BLTP1: variants seen among roughly 807,000 people sequenced by gnomAD.
BLTP1 encodes the protein bridge-like lipid transfer protein family member 1.
the BLTP1 span, chr4:122,349,643 G>T: frequency 6.3e-7 from 1 of 1,594,652 alleles, no homozygotes. This position sits in a 1 kb window ranked among gnomAD's most constrained non-coding sequence, Gnocchi z 4.5. Flanking sequence ...CTGATAAAAG[G>T]TATTTATTAA....
At chr4:122,258,183 T>C in the BLTP1 span, among the ~76,000 whole-genome samples, 57 of 152,234 alleles carry the variant, frequency 3.7e-4, no homozygotes, top group Non-Finnish European at 6.5e-4. Flanking sequence ...TGACCTATCA[T>C]ATTTATTGAA....
the BLTP1 span, chr4:122,209,420 G>C: frequency 1.5e-6 from 2 of 1,357,830 alleles, no homozygotes; most frequent in South Asian, 1.2e-5. Context: ...CGAGATGGGT[G>C]GATCACCTGA....
chr4:122,252,911 G>A, the BLTP1 span, among the ~76,000 whole-genome samples: 1 of 152,204 alleles, frequency 6.6e-6, no homozygotes, highest in African/African-American at 2.4e-5. Flanking sequence ...AGCCACAGGG[G>A]TGCTTGTGTC....
the BLTP1 span, chr4:122,187,323 T>G: frequency 6.7e-7 from 1 of 1,501,294 alleles, no homozygotes; most frequent in East Asian, 2.3e-5. Context: ...CTAGATGTAT[T>G]TGGAAAGGTA....
the BLTP1 span, among the ~76,000 whole-genome samples, chr4:122,232,389 G>C: frequency 6.6e-6 from 1 of 152,108 alleles, no homozygotes; most frequent in East Asian, 1.9e-4. Context: ...TTTAGTATAA[G>C]TTTGTCCCAC....
the BLTP1 span, chr4:122,203,738 G>A: frequency 3.4e-6 from 1 of 295,294 alleles, no homozygotes; most frequent in Admixed American, 6.5e-5. Flanking sequence ...AAACTGGTAG[G>A]TAAACTAATT....
the BLTP1 span, chr4:122,231,495 A>G: frequency 4.2e-6 from 1 of 239,408 alleles, no homozygotes; most frequent in African/African-American, 2.3e-5. Context: ...AGAGCTCTTT[A>G]TAGATGATCA....
chr4:122,262,975 C>A, the BLTP1 span: 1 of 1,613,522 alleles, frequency 6.2e-7, no homozygotes, highest in Non-Finnish European at 8.5e-7. Flanking sequence ...AGCTCCCTAA[C>A]GAGAACAGGT....
chr4:122,219,671 G>T, the BLTP1 span: 1 of 746,510 alleles, frequency 1.3e-6, no homozygotes, highest in Non-Finnish European at 2.2e-6. Context: ...ATCAGATTTA[G>T]AAACTTCTAA....
the BLTP1 span, chr4:122,173,041 A>T: frequency 6.2e-7 from 1 of 1,613,192 alleles, no homozygotes; most frequent in Non-Finnish European, 8.5e-7. Flanking sequence ...AACAGCTACC[A>T]TTTTGTCCTG....
chr4:122,170,091 G>A, the BLTP1 span: 1 of 621,598 alleles, frequency 1.6e-6, no homozygotes, highest in African/African-American at 2.0e-5. Context: ...CGGATCACCT[G>A]ATGTCAGGAG....
the BLTP1 span, chr4:122,182,656 A>G: frequency 1.0e-6 from 1 of 985,394 alleles, no homozygotes; most frequent in Non-Finnish European, 1.2e-6. Context: ...GCAGAACTTT[A>G]TTGTCAAACC....
At chr4:122,271,721 G>C in the BLTP1 span, 4 of 1,545,404 alleles carry the variant, frequency 2.6e-6, no homozygotes, top group Non-Finnish European at 3.5e-6. Context: ...ATTTGGACCA[G>C]CAGGTAACAG....
the BLTP1 span, chr4:122,281,904 C>A: frequency 7.7e-7 from 1 of 1,294,386 alleles, no homozygotes; most frequent in Non-Finnish European, 9.9e-7. Flanking sequence ...ATTTAAAGTT[C>A]ATTAATGATG....
At chr4:122,224,775 G>C in the BLTP1 span, 1 of 1,597,894 alleles carries the variant, frequency 6.3e-7, no homozygotes, top group Admixed American at 1.7e-5. Flanking sequence ...AATGTTCATT[G>C]CATTTCCACT....
the BLTP1 span, chr4:122,174,699 AAAAAT>A: frequency 1.5e-6 from 2 of 1,299,560 alleles, no homozygotes; most frequent in Non-Finnish European, 2.2e-6. Context: ...AACATACTTT[AAAAAT>A]ATTGTTAAAA....
At chr4:122,314,926 G>T in the BLTP1 span, among the ~76,000 whole-genome samples, 33 of 152,140 alleles carry the variant, frequency 2.2e-4, no homozygotes, top group Non-Finnish European at 4.4e-4. Context: ...CTAGAACCAA[G>T]ATCCCAACTG....
chr4:122,184,272 TGTAA>T, the BLTP1 span, among the ~76,000 whole-genome samples: 2 of 152,194 alleles, frequency 1.3e-5, no homozygotes, highest in African/African-American at 2.4e-5. Flanking sequence ...ATCTCTGCAG[TGTAA>T]GTAAGATATC....
At chr4:122,247,468 T>C in the BLTP1 span, 2 of 1,289,272 alleles carry the variant, frequency 1.6e-6, no homozygotes, top group Non-Finnish European at 2.2e-6. Flanking sequence ...CGGTATTCTA[T>C]AAGAAAGAGA....
Sources: allele counts gnomAD v4.1 joint callset (sites outside exome capture counted in the v4.1 genomes callset), GRCh38; gene constraint gnomAD v4.1.1; non-coding constraint Gnocchi (gnomAD v3.1); transcripts MANE v1.5; gene names NCBI Gene and HGNC (gene_info 2026-07-23, HGNC 2026-07-21).